The following FLI1 variants were observed in gnomAD, a reference collection of about 807,000 sequenced individuals.
The protein encoded by FLI1 is Fli-1 proto-oncogene, ETS transcription factor, also known as Friend leukemia integration 1 transcription factor.
In FLI1, 13 loss-of-function variants were observed where a neutral mutation model predicts 53.1. That is an observed-to-expected ratio of 0.24 (90% CI 0.16 to 0.39). The LOEUF (loss-of-function observed/expected upper bound fraction) is 0.39. FLI1 is among the 10% of genes least tolerant of loss of function. The pLI is 1.00. For missense variants in FLI1, 424 were observed against 600.5 expected (o/e 0.71, Z 3.07); for synonymous variants, 244 against 236.7 (o/e 1.03, Z -0.28).
At chr11:128,768,688 C>CAAAAAAAAA (rs34066469) in intron 3 of FLI1, among the ~76,000 whole-genome samples, 1 of 77,778 alleles carries the variant, frequency 1.3e-5, no homozygotes, top group African/African-American at 5.2e-5. Context: ...GACTCTGTCT[C>CAAAAAAAAA]AAAAAAAAAA....
At chr11:128,749,286 A>C (rs2135790837) in intron 1 of FLI1, among the ~76,000 whole-genome samples, 1 of 152,334 alleles carries the variant, frequency 6.6e-6, no homozygotes, top group South Asian at 2.1e-4. Flanking sequence ...GCTACATAAG[A>C]AATTACCCCG....
intron 1 of FLI1, among the ~76,000 whole-genome samples, chr11:128,725,066 C>T (rs949793072): frequency 3.9e-5 from 6 of 152,204 alleles, no homozygotes; most frequent in East Asian, 1.9e-4. Flanking sequence ...CTCGTAGTTT[C>T]GATAAAAACT....
chr11:128,809,285 T>C (rs1942873548), intron 8 of FLI1, 81 bp downstream of exon 8: 1 of 1,187,752 alleles, frequency 8.4e-7, no homozygotes, highest in Non-Finnish European at 1.3e-6. Context: ...CTGTCCTAAG[T>C]CCAGACACCT....
In FLI1 at chr11:128,728,381, C is replaced by T. The variant is rs141485770; in HGVS notation, c.19-29734C>T. The stretch of plus-strand genomic sequence containing the variant: ...TAATCACCTGTGTGTCCCTTTGCTG[C>T]GCAATGAGGGTGCTGCGGCAGAGGC... On this transcript the variant is annotated intron_variant, in intron 1 of 8. Coordinates refer to ENST00000527786, the MANE Select transcript of FLI1 (RefSeq NM_002017.5). 4.3e-3 allele frequency among the ~76,000 whole-genome samples: 661 copies of T among 152,386 alleles called. 7 individuals are homozygous for T. The highest frequency in any genetic ancestry group is 4.9e-3 in the Non-Finnish European group (334 of 68,046).
At chr11:128,809,329 A>G (rs1289921702) in intron 8 of FLI1, 125 bp downstream of exon 8, 13 of 797,812 alleles carry the variant, frequency 1.6e-5, no homozygotes, top group Non-Finnish European at 2.8e-5. Context: ...TTTCCTTGAA[A>G]TGTTCAATGT....
In FLI1 at chr11:128,812,077, T is replaced by C. The variant is rs1221779276; in HGVS notation, c.*1089T>C. 2 of 207,978 alleles carry C rather than the reference T, an allele frequency of 9.6e-6. No homozygotes were observed. The highest frequency in any genetic ancestry group is 2.0e-5 in the Non-Finnish European group (2 of 101,954). The allele number at this position is 207,978 out of a possible 1,614,324, so 12.9% of individuals were successfully genotyped here. A position where few individuals can be genotyped will look rare whatever the true frequency, so the allele number is the denominator to read the frequency against. On this transcript the variant is annotated 3_prime_UTR_variant, in exon 9 of 9. Transcript: ENST00000527786. ...CCTATAGCTGAAAAGGAAACAGGGC[T>C]GTTTAAGTCACTGACTTATGAGAAA...
At chr11:128,767,704 A>G (rs1941396564) in intron 2 of FLI1, among the ~76,000 whole-genome samples, 1 of 152,226 alleles carries the variant, frequency 6.6e-6, no homozygotes, top group Non-Finnish European at 1.5e-5. Context: ...TGAGAATCAG[A>G]CAGTGTGACA....
intron 1 of FLI1, among the ~76,000 whole-genome samples, chr11:128,755,687 C>G (rs183406966): frequency 2.1e-4 from 32 of 152,342 alleles, no homozygotes; most frequent in Middle Eastern, 3.4e-3. Flanking sequence ...CAGCTTTACT[C>G]TGAGCATGAC....
chr11:128,717,809 G>A (rs1368766646), intron 1 of FLI1, among the ~76,000 whole-genome samples: 1 of 152,220 alleles, frequency 6.6e-6, no homozygotes, highest in East Asian at 1.9e-4. Context: ...CTAAGATGTG[G>A]TCTACTACCT....
rs1019149036 is a variant in FLI1, at chr11:128,694,293, C to T, written c.18+17C>T. ...ACTATTAAGGTAAGCGGCGGGGCAA[C>T]GGACGCGGGCGGCGGGGACCGGCCG... On this transcript the variant is annotated intron_variant, in intron 1 of 8. Coordinates refer to ENST00000527786, the MANE Select transcript of FLI1 (RefSeq NM_002017.5). The T allele has an allele frequency of 4.4e-6, 6 of 1,354,872 alleles. No individual in the cohort carries two copies. The African/African-American group carries it at 6.0e-5, about 14-fold the overall frequency. 83.9% of individuals were successfully genotyped at this position (1,354,872 alleles called of 1,614,324 possible).
upstream of FLI1, chr11:128,686,504 G>C: frequency 2.2e-6 from 1 of 456,638 alleles, no homozygotes; most frequent in Non-Finnish European, 4.4e-6. Flanking sequence ...TCCCTCGCCG[G>C]ACTAGGCGGA....
chr11:128,694,079 G>A lies in FLI1; in HGVS notation c.-180G>A. 2.3e-6 allele frequency: 1 copy of A among 434,156 alleles called. No homozygotes were observed. The highest frequency in any genetic ancestry group is 7.1e-5 in the South Asian group (1 of 14,116). The allele number at this position is 434,156 out of a possible 1,614,324, so 26.9% of individuals were successfully genotyped here. On this transcript the variant is annotated 5_prime_UTR_variant, in exon 1 of 9. Coordinates refer to ENST00000527786, the MANE Select transcript of FLI1 (RefSeq NM_002017.5). ...TTTCATCCGGTTAACTGTCTCTTTC[G>A]CTCCGCTACAACAACAAACGTGCAC... is the stretch of plus-strand genomic sequence containing the variant.
At chr11:128,768,541 T>G in intron 3 of FLI1, 4 of 420,706 alleles carry the variant, frequency 9.5e-6, no homozygotes, top group East Asian at 4.5e-5. Flanking sequence ...ATACAAAAAT[T>G]AGCCAGGTGT....
At chr11:128,735,634 T>C (rs1382616684) in intron 1 of FLI1, among the ~76,000 whole-genome samples, 1 of 152,192 alleles carries the variant, frequency 6.6e-6, no homozygotes, top group Admixed American at 6.5e-5. Flanking sequence ...CTAGATAAGA[T>C]AGGAAAGGTA....
At chr11:128,708,054 C>T (rs1938626421) in intron 1 of FLI1, among the ~76,000 whole-genome samples, 1 of 152,168 alleles carries the variant, frequency 6.6e-6, no homozygotes, top group Non-Finnish European at 1.5e-5. Flanking sequence ...AGTACAAGCA[C>T]ACTTACAAGG....
chr11:128,718,914 T>G (rs1184364653), intron 1 of FLI1, among the ~76,000 whole-genome samples: 5 of 152,188 alleles, frequency 3.3e-5, no homozygotes, highest in Admixed American at 3.3e-4. Flanking sequence ...AAAAATCTCA[T>G]GAGATCAGGC....
At chr11:128,751,992 T>C (rs559007538) in intron 1 of FLI1, among the ~76,000 whole-genome samples, 4 of 151,992 alleles carry the variant, frequency 2.6e-5, no homozygotes, top group Non-Finnish European at 5.9e-5. Flanking sequence ...TTTTTTTCTT[T>C]GGAGACAGAG....
chr11:128,746,263 G>C (rs1481049804), intron 1 of FLI1, among the ~76,000 whole-genome samples: 3 of 152,176 alleles, frequency 2.0e-5, no homozygotes, highest in Non-Finnish European at 4.4e-5. Flanking sequence ...AGACTGATGA[G>C]GTTCTTCTCT....
At chr11:128,732,875 G>A (rs1000105875) in intron 1 of FLI1, among the ~76,000 whole-genome samples, 6 of 152,178 alleles carry the variant, frequency 3.9e-5, no homozygotes, top group Admixed American at 1.3e-4. Flanking sequence ...GAGGTTTGTG[G>A]CAGAGAAAGA....
Sources: gnomAD v4.1 joint callset for allele counts (sites outside exome capture counted in the v4.1 genomes callset) on GRCh38, gnomAD v4.1.1 for gene constraint, MANE v1.5 for transcripts, NCBI Gene and HGNC (gene_info 2026-07-23, HGNC 2026-07-21) for gene names.